The following CHST12 variants were observed in gnomAD, a reference collection of about 807,000 sequenced individuals.
CHST12 encodes carbohydrate sulfotransferase 12, also known as carbohydrate (chondroitin 4) sulfotransferase 12.
Under a neutral mutation model 27.9 loss-of-function variants are expected in CHST12, and 23 were observed. The observed-to-expected ratio is 0.82, with a 90% confidence interval of 0.59 to 1.17. The LOEUF is 1.17. Ranked by LOEUF, CHST12 falls within the 50% of genes most tolerant of loss-of-function variation. The probability of loss-of-function intolerance (pLI) is 0.00; values close to 1 mark genes in which losing one functional copy is unlikely to be tolerated. For missense variants in CHST12, 682 were observed against 603.0 expected, an observed-to-expected ratio of 1.13 and a Z score of -1.37; for synonymous variants, 322 against 273.0, an observed-to-expected ratio of 1.18 and a Z score of -1.77.
At chr7:2,412,892 T>C (rs1030809337) in intron 1 of CHST12, among the ~76,000 whole-genome samples, 2 of 146,964 alleles carry the variant, frequency 1.4e-5, no homozygotes, top group African/African-American at 2.6e-5. Context: ...AATTTGCAAA[T>C]AGACAGTTTT....
At chr7:2,409,139 A>G (rs192425776) in intron 1 of CHST12, among the ~76,000 whole-genome samples, 28 of 152,328 alleles carry the variant, frequency 1.8e-4, no homozygotes, top group African/African-American at 6.0e-4. Context: ...CCGCAATGAT[A>G]GTAATTTATG....
At position 2,433,733 on chromosome 7, in the gene CHST12, C is replaced by T; in HGVS notation, c.1094C>T (p.Pro365Leu). The change falls in exon 2 of 2, where the codon CCC becomes CTC. Residue 365 changes from proline to leucine, a missense_variant. Physicochemically the swap from Pro to Leu is moderately conservative, Grantham distance 98. Transcript: ENST00000618655. The surrounding 1 kb of genome is among the most constrained non-coding windows in gnomAD (Gnocchi z 6.1). ...CAGGTGGACCGGCAGCTCCGCTTCC[C>T]CCCGAGCTACCGGAACAGGACCGCC... The part of the protein sequence containing the change: ...LLQVDRQLRF[P>L]PSYRNRTASS... The T allele has an allele frequency of 1.2e-6, 2 of 1,613,790 alleles. No homozygotes were observed. The highest frequency in any genetic ancestry group is 1.7e-6 in the Non-Finnish European group (2 of 1,179,976).
intron 1 of CHST12, among the ~76,000 whole-genome samples, chr7:2,422,722 G>C (rs1000172983): frequency 6.6e-6 from 1 of 151,774 alleles, no homozygotes; most frequent in Non-Finnish European, 1.5e-5. Context: ...TTTTAGTAGA[G>C]ACAGGGTTTC....
chr7:2,406,977 G>T (rs1044677481), intron 1 of CHST12, among the ~76,000 whole-genome samples: 3 of 151,386 alleles, frequency 2.0e-5, no homozygotes, highest in Admixed American at 2.0e-4. Flanking sequence ...AGAACAGGAA[G>T]CTCTAAAAAA....
chr7:2,411,441 G>A (rs1268390361), intron 1 of CHST12, among the ~76,000 whole-genome samples: 2 of 144,108 alleles, frequency 1.4e-5, no homozygotes, highest in East Asian at 4.5e-4. Flanking sequence ...ATCATAGTGA[G>A]ATTTATTATC....
intron 1 of CHST12, among the ~76,000 whole-genome samples, chr7:2,429,590 A>C (rs1260420245): frequency 6.6e-6 from 1 of 152,096 alleles, no homozygotes; most frequent in Non-Finnish European, 1.5e-5. Flanking sequence ...GTATAGGATT[A>C]TTCATTTTGG....
At position 2,433,113 on chromosome 7, in the gene CHST12, C is replaced by G. The variant is rs762617272; in HGVS notation, c.474C>G (p.Ile158Met). 1 of 1,612,456 alleles carries G rather than the reference C, an allele frequency of 6.2e-7. No homozygotes were observed. The highest frequency in any genetic ancestry group is 1.1e-5 in the South Asian group (1 of 91,044). The stretch of plus-strand genomic sequence containing the variant: ...CCAACTCGGAGCTGAGCCACCTGAT[C>G]GTGGACGACCGGCACGGGGCCATCT... ...DIPNSELSHL[I>M]VDDRHGAIYC... Residue 158 changes from isoleucine (I) to methionine (M), a missense_variant, in exon 2 of 2, where the codon ATC becomes ATG. Coordinates refer to ENST00000618655, the MANE Select transcript of CHST12 (RefSeq NM_018641.5). The surrounding 1 kb of genome is among the most constrained non-coding windows in gnomAD (Gnocchi z 6.1).
chr7:2,421,509 T>C (rs1310139746), intron 1 of CHST12, among the ~76,000 whole-genome samples: 1 of 150,936 alleles, frequency 6.6e-6, no homozygotes, highest in Non-Finnish European at 1.5e-5. Context: ...CGATCTTGGC[T>C]CACTGCAACT....
At position 2,427,011 on chromosome 7, in the gene CHST12, G is replaced by A. The variant is rs551898342; in HGVS notation, c.-77-5552G>A. Among the ~76,000 whole-genome samples, 6 of 149,132 alleles carry A rather than the reference G, an allele frequency of 4.0e-5. No individual in the cohort carries two copies. In the East Asian group the frequency reaches 6.0e-4, roughly 15 times the overall value. On this transcript the variant is annotated intron_variant, in intron 1 of 1. Coordinates refer to ENST00000618655, the MANE Select transcript of CHST12 (RefSeq NM_018641.5). The stretch of plus-strand genomic sequence containing the variant: ...GTCTCACAAAAGAAAAAGAGAGAGA[G>A]AGAGAGACATATAAATGAAAAAGTA...
intron 1 of CHST12, among the ~76,000 whole-genome samples, chr7:2,406,210 G>A (rs1296867057): frequency 6.6e-6 from 1 of 152,044 alleles, no homozygotes; most frequent in Non-Finnish European, 1.5e-5. Flanking sequence ...GCTGCAGGCG[G>A]GACTGTGGTT....
At chr7:2,410,555 T>C (rs2115388345) in intron 1 of CHST12, among the ~76,000 whole-genome samples, 1 of 152,184 alleles carries the variant, frequency 6.6e-6, no homozygotes, top group Admixed American at 6.6e-5. Context: ...AATGCTGCTA[T>C]GAAGAAAACC....
rs753984671 is a variant in CHST12, at chr7:2,433,895, G to T, written c.*11G>T. The stretch of plus-strand genomic sequence containing the variant: ...CTCCTCCGAGACTGAAAGCTTTCGC[G>T]TTGCTTTTTCTCGCGTGCCTGGAAC... On this transcript the variant is annotated 3_prime_UTR_variant, in exon 2 of 2. Coordinates refer to ENST00000618655, the MANE Select transcript of CHST12 (RefSeq NM_018641.5). This position sits in a 1 kb window ranked among gnomAD's most constrained non-coding sequence, Gnocchi z 6.1. 8 of 1,549,394 alleles carry T rather than the reference G, an allele frequency of 5.2e-6. No individual in the cohort carries two copies. The highest frequency in any genetic ancestry group is 1.8e-4 in the Middle Eastern group (1 of 5,656).
chr7:2,406,865 T>C (rs2115379266), intron 1 of CHST12, among the ~76,000 whole-genome samples: 1 of 152,060 alleles, frequency 6.6e-6, no homozygotes, highest in Non-Finnish European at 1.5e-5. Flanking sequence ...GAGACCAGAA[T>C]ACACACTGGG....
chr7:2,424,777 C>T (rs1782065600), intron 1 of CHST12, among the ~76,000 whole-genome samples: 1 of 152,166 alleles, frequency 6.6e-6, no homozygotes, highest in Admixed American at 6.5e-5. Flanking sequence ...CAACAGAAAT[C>T]CTCCTCGTCC....
intron 1 of CHST12, among the ~76,000 whole-genome samples, chr7:2,405,534 G>A (rs1305336146): frequency 6.6e-6 from 1 of 152,184 alleles, no homozygotes; most frequent in Non-Finnish European, 1.5e-5. Flanking sequence ...GGTGCGACGC[G>A]ATTAGATGTG....
intron 1 of CHST12, among the ~76,000 whole-genome samples, chr7:2,404,598 C>T (rs914145158): frequency 1.3e-5 from 2 of 152,274 alleles, no homozygotes; most frequent in African/African-American, 4.8e-5. Flanking sequence ...TACCCCCACG[C>T]GGGGACCCGG....
intron 1 of CHST12, among the ~76,000 whole-genome samples, chr7:2,424,402 C>T (rs1315406782): frequency 6.6e-6 from 1 of 152,256 alleles, no homozygotes; most frequent in East Asian, 1.9e-4. Context: ...CAGAGTACAG[C>T]CACATTTCAG....
intron 1 of CHST12, among the ~76,000 whole-genome samples, chr7:2,415,599 G>A (rs1781782600): frequency 6.6e-6 from 1 of 151,524 alleles, no homozygotes; most frequent in Non-Finnish European, 1.5e-5. Flanking sequence ...AGTGGCTATG[G>A]CAATTTCTTT....
At chr7:2,430,985 T>C (rs1338930646) in intron 1 of CHST12, among the ~76,000 whole-genome samples, 4 of 152,214 alleles carry the variant, frequency 2.6e-5, no homozygotes, top group African/African-American at 9.6e-5. Context: ...TAGGTGAGTG[T>C]TCTGCATATG....
Sources: allele counts gnomAD v4.1 joint callset (sites outside exome capture counted in the v4.1 genomes callset), GRCh38; gene constraint gnomAD v4.1.1; non-coding constraint Gnocchi (gnomAD v3.1); transcripts MANE v1.5; gene names NCBI Gene and HGNC (gene_info 2026-07-23, HGNC 2026-07-21).